The following NRROS variants were observed in gnomAD, a reference collection of about 807,000 sequenced individuals.
NRROS encodes transforming growth factor beta activator LRRC33.
Under a neutral mutation model 12.0 loss-of-function variants are expected in NRROS, and 6 were observed. The observed-to-expected ratio is 0.50, with a 90% CI of 0.27 to 0.98. NRROS has a LOEUF of 0.98. NRROS is among the 50% of genes least tolerant of loss of function. The pLI, the probability that NRROS is intolerant of heterozygous loss-of-function variation, is 0.11. For synonymous variants in NRROS, 462 were observed against 410.2 expected (o/e 1.13, Z -1.53); for missense variants, 857 against 888.2 (o/e 0.96, Z 0.45).
At chr3:196,657,684 A>T (rs955869379) in intron 2 of NRROS, among the ~76,000 whole-genome samples, 1 of 149,776 alleles carries the variant, frequency 6.7e-6, no homozygotes, top group Non-Finnish European at 1.5e-5. Flanking sequence ...TCCAGCCTGG[A>T]CGACAAGAGT....
At chr3:196,643,458 A>G (rs1000505064) in intron 1 of NRROS, among the ~76,000 whole-genome samples, 3 of 152,222 alleles carry the variant, frequency 2.0e-5, no homozygotes, top group Admixed American at 1.3e-4. Flanking sequence ...CCCCTCCTCC[A>G]GCCCCAACCC....
At chr3:196,644,496 G>T (rs978845383) in intron 1 of NRROS, among the ~76,000 whole-genome samples, 1 of 152,076 alleles carries the variant, frequency 6.6e-6, no homozygotes, top group Non-Finnish European at 1.5e-5. Context: ...TGCACGATCA[G>T]GCTGGGTGCA....
At chr3:196,659,351 A>AGTGCAGTG (rs1175090794) in intron 2 of NRROS, among the ~76,000 whole-genome samples, 3 of 124,884 alleles carry the variant, frequency 2.4e-5, no homozygotes, top group Non-Finnish European at 4.7e-5. Context: ...CCCAGGCTGG[A>AGTGCAGTG]GTGCAGTGGT....
In NRROS at chr3:196,654,376, G is replaced by A. The variant is rs559857394; in HGVS notation, c.-13-151G>A. Reference sequence around the variant, plus strand: ...GGCCGGAAGTCTTGGCTAAATGGAGGTATCTGAGTATCCTGTGGGCTGCAC... The same window carrying A: ...GGCCGGAAGTCTTGGCTAAATGGAGATATCTGAGTATCCTGTGGGCTGCAC... On this transcript the variant is annotated intron_variant, in intron 1 of 2. Coordinates refer to ENST00000328557, the MANE Select transcript of NRROS (RefSeq NM_198565.3). The surrounding 1 kb of genome is among the most constrained non-coding windows in gnomAD (Gnocchi z 4.4). 1.3e-5 allele frequency among the ~76,000 whole-genome samples: 2 copies of A among 152,276 alleles called. No homozygotes were observed. The highest frequency in any genetic ancestry group is 3.9e-4 in the East Asian group (2 of 5,184).
intron 2 of NRROS, 51 bp from the exon 3 acceptor site, chr3:196,659,701 A>G (rs749424258): frequency 3.2e-6 from 5 of 1,551,036 alleles, no homozygotes; most frequent in Non-Finnish European, 4.4e-6. Flanking sequence ...CTATGCATAA[A>G]TGCTTGCCTC....
Position 196,649,187 on chromosome 3 carries a change from C to T in NRROS, c.-13-5340C>T, listed in dbSNP as rs541993408. ...CTTGCTTGAGACTTCCCAGTGCTTC[C>T]TGGAGAAGGGACTGTTGGAAATGGT... On this transcript the variant is annotated intron_variant, in intron 1 of 2. Coordinates refer to ENST00000328557, the MANE Select transcript of NRROS (RefSeq NM_198565.3). Among the ~76,000 whole-genome samples, 4 of 152,290 alleles carry T rather than the reference C, an allele frequency of 2.6e-5. No individual in the cohort carries two copies. In the East Asian group the frequency reaches 5.8e-4, roughly 22 times the overall value.
chr3:196,646,711 C>T (rs4916533), intron 1 of NRROS, among the ~76,000 whole-genome samples: 8,439 of 152,252 alleles, frequency 0.055, 313 homozygotes, highest in Admixed American at 0.082. Context: ...GTTGCTGGGG[C>T]CTCTGAATCC....
chr3:196,656,282 T>C (rs1048465895), intron 2 of NRROS, among the ~76,000 whole-genome samples: 5 of 152,238 alleles, frequency 3.3e-5, no homozygotes, highest in African/African-American at 1.2e-4. Flanking sequence ...TTCAAGTATG[T>C]ATTCTTAAAG....
chr3:196,650,499 C>T (rs1281861350), intron 1 of NRROS, among the ~76,000 whole-genome samples: 2 of 151,876 alleles, frequency 1.3e-5, no homozygotes, highest in African/African-American at 4.8e-5. Context: ...AGGCTGGTCT[C>T]GAACTCCTGA....
intron 1 of NRROS, among the ~76,000 whole-genome samples, chr3:196,644,320 AC>A (rs905387012): frequency 4.7e-5 from 7 of 150,088 alleles, no homozygotes; most frequent in African/African-American, 1.7e-4. Context: ...AATTGCTTGT[AC>A]CCTGGAGGCG....
At position 196,661,734 on chromosome 3, in the gene NRROS, GC is replaced by G; in HGVS notation, c.*14del. ...CCTCCGTTTACTGACCTGGCTGTGT[GC>G]CAAGACTCGAAATTCGGTCCGCACA... On this transcript the variant is annotated 3_prime_UTR_variant, in exon 3 of 3. Transcript: ENST00000328557. 2 of 1,571,376 alleles carry G rather than the reference GC, an allele frequency of 1.3e-6. No homozygotes were observed. Among genetic ancestry groups the G allele is most frequent in the Non-Finnish European group, 1.7e-6 (2 of 1,160,836 alleles).
Position 196,659,988 on chromosome 3 carries a change from C to A in NRROS, c.345C>A (p.Asn115Lys). Residue 115 changes from asparagine (N) to lysine (K), a missense_variant, in exon 3 of 3, where the codon AAC (asparagine) becomes AAA (lysine). Asn to Lys is a moderately conservative substitution (Grantham distance 94, BLOSUM62 0). Coordinates refer to ENST00000328557, the MANE Select transcript of NRROS (RefSeq NM_198565.3). ...TGCGCAGCCTGGTCCTGGGGGACAA[C>A]TGCCTCTCAGAGAACTACGAAGAGA... ...GHLRSLVLGD[N>K]CLSENYEETA... 6.2e-7 allele frequency: 1 copy of A among 1,613,734 alleles called. No individual in the cohort carries two copies. Among genetic ancestry groups the A allele is most frequent in the Non-Finnish European group, 8.5e-7 (1 of 1,179,850 alleles).
chr3:196,649,630 C>T (rs566239889), intron 1 of NRROS, among the ~76,000 whole-genome samples: 4 of 152,296 alleles, frequency 2.6e-5, no homozygotes, highest in African/African-American at 9.6e-5. Flanking sequence ...CGCCACCGCG[C>T]CCGGCTAATT....
intron 1 of NRROS, among the ~76,000 whole-genome samples, chr3:196,648,599 T>C (rs1199586183): frequency 6.6e-6 from 1 of 151,680 alleles, no homozygotes; most frequent in Non-Finnish European, 1.5e-5. Context: ...AAACCCCATC[T>C]CTACTAAAAA....
rs147604058 is a variant in NRROS at position 196,640,864 on chromosome 3, G to A, written c.-14+989G>A. On this transcript the variant is annotated intron_variant, in intron 1 of 2. Transcript: ENST00000328557. ...TAGGGGCTGAGGGGACCCCACCGGA[G>A]GCTTCTTCATGATGGGCACAGCCCG... is the stretch of plus-strand genomic sequence containing the variant. Among the ~76,000 whole-genome samples, 1,306 of 152,274 alleles carry A rather than the reference G, an allele frequency of 8.6e-3. 32 individuals are homozygous for A. The highest frequency in any genetic ancestry group is 0.029 in the African/African-American group (1,216 of 41,540).
rs527729297 is a variant in NRROS, at chr3:196,642,779, T to C, written c.-14+2904T>C. ...ATTGTACACCTAAAAATGGTTAAGATGGTCACTTTCGGCCGGGCGCGGTGG... is the reference window on the plus strand; with the variant it reads ...ATTGTACACCTAAAAATGGTTAAGACGGTCACTTTCGGCCGGGCGCGGTGG... On this transcript the variant is annotated intron_variant, in intron 1 of 2. Transcript: ENST00000328557. 3.3e-3 allele frequency among the ~76,000 whole-genome samples: 503 copies of C among 152,246 alleles called. 6 individuals are homozygous for C. Among genetic ancestry groups the C allele is most frequent in the African/African-American group, 0.011 (474 of 41,558 alleles).
intron 1 of NRROS, among the ~76,000 whole-genome samples, chr3:196,641,870 A>G (rs545511211): frequency 2.0e-5 from 3 of 152,172 alleles, no homozygotes; most frequent in Admixed American, 6.5e-5. Flanking sequence ...GAGAGGGTGG[A>G]CTTTCAACCA....
At chr3:196,659,711 C>T in intron 2 of NRROS, 41 bp from the exon 3 acceptor site, 1 of 1,570,140 alleles carries the variant, frequency 6.4e-7, no homozygotes, top group South Asian at 1.2e-5. Context: ...ATGCTTGCCT[C>T]TGGGCCTCCT....
In NRROS at chr3:196,661,759, C is replaced by T. The variant is rs746191134; in HGVS notation, c.*37C>T. 2.7e-6 allele frequency: 4 copies of T among 1,501,368 alleles called. No individual in the cohort carries two copies. The highest frequency in any genetic ancestry group is 2.0e-5 in the Admixed American group (1 of 50,286). 93.0% of individuals were successfully genotyped at this position (1,501,368 alleles called of 1,614,324 possible). A position where few individuals can be genotyped will look rare whatever the true frequency, so the allele number is the denominator to read the frequency against. On this transcript the variant is annotated 3_prime_UTR_variant, in exon 3 of 3. Coordinates refer to ENST00000328557, the MANE Select transcript of NRROS (RefSeq NM_198565.3). The stretch of plus-strand genomic sequence containing the variant: ...GCCAAGACTCGAAATTCGGTCCGCA[C>T]ACAACAGGACACTTTCTCTGCCAGC...
Sources: gnomAD v4.1 joint callset for allele counts (sites outside exome capture counted in the v4.1 genomes callset) on GRCh38, gnomAD v4.1.1 for gene constraint, Gnocchi (gnomAD v3.1) non-coding constraint, MANE v1.5 for transcripts, NCBI Gene and HGNC (gene_info 2026-07-23, HGNC 2026-07-21) for gene names.